The following SLC4A4 variants were observed in gnomAD, a reference collection of about 807,000 sequenced individuals.
The protein encoded by SLC4A4 is solute carrier family 4 member 4, also known as electrogenic sodium bicarbonate cotransporter 1.
In SLC4A4, 27 loss-of-function variants were observed where a neutral mutation model predicts 111.5. The ratio of observed to expected loss-of-function variants is 0.24; its 90% CI spans 0.18 to 0.33. The LOEUF is 0.33. Ranked by LOEUF, SLC4A4 falls within the 10% of genes least tolerant of loss-of-function variation. The pLI, the probability that SLC4A4 is intolerant of heterozygous loss-of-function variation, is 1.00. For synonymous variants in SLC4A4, 443 were observed against 463.4 expected (o/e 0.96, Z 0.57); for missense variants, 909 against 1,315.5 (o/e 0.69, Z 4.78).
At position 71,375,523 on chromosome 4, in the gene SLC4A4, G is replaced by T. The variant is rs186676828; in HGVS notation, c.730+18336G>T. Among the ~76,000 whole-genome samples, 219 of 152,110 alleles carry T rather than the reference G, an allele frequency of 1.4e-3. 2 individuals are homozygous for T. The highest frequency in any genetic ancestry group is 1.5e-3 in the Non-Finnish European group (101 of 67,992). ...TTCAAGGCCCACATTCTCCTTGAAG[G>T]CTTCTTAACTTGAGGTGCTCTTTAC... On this transcript the variant is annotated intron_variant, in intron 6 of 25. Transcript: ENST00000264485.
chr4:71,553,310 A>G (rs551808328), intron 20 of SLC4A4, among the ~76,000 whole-genome samples: 2 of 152,000 alleles, frequency 1.3e-5, no homozygotes, highest in East Asian at 3.9e-4. Flanking sequence ...ATTTGGTGAT[A>G]TCTGTAATAA....
At chr4:71,208,404 C>T (rs1184247337) in intron 1 of SLC4A4, among the ~76,000 whole-genome samples, 1 of 147,698 alleles carries the variant, frequency 6.8e-6, no homozygotes, top group African/African-American at 2.5e-5. Context: ...GCACTCCAGC[C>T]TGGGCGACAG....
At chr4:71,271,287 GA>G (rs1322996599) in intron 3 of SLC4A4, among the ~76,000 whole-genome samples, 1 of 152,196 alleles carries the variant, frequency 6.6e-6, no homozygotes, top group East Asian at 1.9e-4. Context: ...TCTGAAAGGT[GA>G]AATGAATTAC....
chr4:71,179,808 A>G (rs989410962), intron 2 of SLC4A4, among the ~76,000 whole-genome samples: 2 of 152,208 alleles, frequency 1.3e-5, no homozygotes, highest in Non-Finnish European at 2.9e-5. Context: ...TGCCATCCCC[A>G]TCAAGCTACC....
At position 71,209,147 on chromosome 4, in the gene SLC4A4, AT is replaced by A. The variant is rs1467853480; in HGVS notation, c.-2+21752del. ...GTTACTTTATATGACAAGGGCACATATTTTTTCCCCCCATGCTCAATATAAT... is the reference window on the plus strand; with the variant it reads ...GTTACTTTATATGACAAGGGCACATATTTTTCCCCCCATGCTCAATATAAT... On this transcript the variant is annotated intron_variant, in intron 1 of 25. Transcript: ENST00000264485. 3.9e-5 allele frequency among the ~76,000 whole-genome samples: 6 copies of A among 152,292 alleles called. No homozygotes were observed. The East Asian group carries it at 7.7e-4, about 20-fold the overall frequency.
intron 12 of SLC4A4, among the ~76,000 whole-genome samples, chr4:71,460,179 A>G (rs971886336): frequency 2.6e-5 from 4 of 151,942 alleles, no homozygotes; most frequent in Non-Finnish European, 5.9e-5. Flanking sequence ...AAAATCGTCA[A>G]TTTTTTAATA....
intron 2 of SLC4A4, among the ~76,000 whole-genome samples, chr4:71,157,643 A>G (rs962463150): frequency 6.6e-6 from 1 of 152,170 alleles, no homozygotes; most frequent in African/African-American, 2.4e-5. Flanking sequence ...AATTACATTA[A>G]CTTAGTACAT....
chr4:71,426,097 A>G (rs919573725), intron 7 of SLC4A4, among the ~76,000 whole-genome samples: 1 of 152,008 alleles, frequency 6.6e-6, no homozygotes. Flanking sequence ...ATGCTGTACT[A>G]AAGTAAGGCT....
At chr4:71,182,714 TCACACACA>T (rs77414889), upstream of SLC4A4, among the ~76,000 whole-genome samples, 311 of 146,438 alleles carry the variant, frequency 2.1e-3, no homozygotes, top group African/African-American at 7.6e-3. Context: ...TATGTACATT[TCACACACA>T]CACACACACA....
intron 24 of SLC4A4, 139 bp downstream of exon 24, chr4:71,564,028 T>C (rs1032488495): frequency 7.6e-6 from 5 of 656,014 alleles, no homozygotes; most frequent in Non-Finnish European, 1.4e-5. Flanking sequence ...CACTTAATTA[T>C]AATAAAACTT....
intron 15 of SLC4A4, among the ~76,000 whole-genome samples, chr4:71,494,313 T>G (rs148333784): frequency 6.6e-6 from 1 of 152,018 alleles, no homozygotes; most frequent in Non-Finnish European, 1.5e-5. Flanking sequence ...CCCATTTGTC[T>G]TGTTCTTTGT....
At chr4:71,454,754 CTAGTACTGCA>C (rs1417430647) in intron 12 of SLC4A4, among the ~76,000 whole-genome samples, 7 of 152,038 alleles carry the variant, frequency 4.6e-5, no homozygotes, top group Non-Finnish European at 1.0e-4. Flanking sequence ...TAGTTCTTAT[CTAGTACTGCA>C]TAGCATGTTA....
At chr4:71,490,462 G>A (rs1208537046) in intron 15 of SLC4A4, among the ~76,000 whole-genome samples, 3 of 151,762 alleles carry the variant, frequency 2.0e-5, no homozygotes, top group South Asian at 4.1e-4. Context: ...AGGTCCCATG[G>A]AATGCTGTAT....
At chr4:71,293,775 G>A (rs907477790) in intron 3 of SLC4A4, among the ~76,000 whole-genome samples, 5 of 152,096 alleles carry the variant, frequency 3.3e-5, no homozygotes, top group Non-Finnish European at 7.4e-5. Context: ...TTAAGTTTGG[G>A]ATAACTATTT....
At chr4:71,164,736 C>G (rs1744699009) in intron 2 of SLC4A4, among the ~76,000 whole-genome samples, 1 of 152,024 alleles carries the variant, frequency 6.6e-6, no homozygotes, top group African/African-American at 2.4e-5. Flanking sequence ...TTCTGCACAG[C>G]AAAAGAAACT....
chr4:71,302,240 G>C (rs1725328721), intron 3 of SLC4A4, among the ~76,000 whole-genome samples: 2 of 152,148 alleles, frequency 1.3e-5, no homozygotes, highest in Admixed American at 1.3e-4. Flanking sequence ...GTGGTAGAGA[G>C]AGCAATGCAC....
chr4:71,141,962 G>A (rs772196488), intron 2 of SLC4A4, among the ~76,000 whole-genome samples: 23 of 152,174 alleles, frequency 1.5e-4, no homozygotes, highest in Admixed American at 2.6e-4. Flanking sequence ...TGAAAGGCTG[G>A]CCCTACAATA....
intron 5 of SLC4A4, among the ~76,000 whole-genome samples, chr4:71,354,065 A>G (rs1730077263): frequency 6.6e-6 from 1 of 152,254 alleles, no homozygotes; most frequent in Non-Finnish European, 1.5e-5. Context: ...AAAGGATAAA[A>G]CATCATTTTC....
chr4:71,498,495 A>G (rs867762626), intron 16 of SLC4A4, among the ~76,000 whole-genome samples: 89 of 152,276 alleles, frequency 5.8e-4, no homozygotes, highest in African/African-American at 2.0e-3. Context: ...CTGACATCTC[A>G]TGAAACAGCT....
Sources: allele counts gnomAD v4.1 joint callset (sites outside exome capture counted in the v4.1 genomes callset), GRCh38; gene constraint gnomAD v4.1.1; transcripts MANE v1.5; gene names NCBI Gene and HGNC (gene_info 2026-07-23, HGNC 2026-07-21).